The following ITGA6 variants were observed in gnomAD, a reference collection of about 807,000 sequenced individuals.
ITGA6 encodes integrin subunit alpha 6.
A neutral mutation model predicts 133.6 loss-of-function variants in ITGA6; 63 were observed. The observed-to-expected ratio is 0.47, with a 90% CI of 0.38 to 0.58. ITGA6 has a LOEUF of 0.58. Ranked by LOEUF, ITGA6 falls within the 20% of genes least tolerant of loss-of-function variation. The pLI is 0.00. For synonymous variants in ITGA6, 434 were observed against 482.0 expected (o/e 0.90, Z 1.30); for missense variants, 1,068 against 1,309.4 (o/e 0.82, Z 2.85).
At chr2:172,487,707 C>T in intron 16 of ITGA6, 21 bp from the exon 17 acceptor site, 4 of 1,601,012 alleles carry the variant, frequency 2.5e-6, no homozygotes, top group South Asian at 1.1e-5. Context: ...CCTGTGTTAA[C>T]AGCTATTTAT....
At chr2:172,432,255 A>G (rs1684133235) in intron 1 of ITGA6, among the ~76,000 whole-genome samples, 1 of 152,224 alleles carries the variant, frequency 6.6e-6, no homozygotes, top group African/African-American at 2.4e-5. Flanking sequence ...TCCCCATCCT[A>G]CACTAAAGCA....
At chr2:172,488,680 A>G (rs777163984) in intron 19 of ITGA6, among the ~76,000 whole-genome samples, 4 of 152,212 alleles carry the variant, frequency 2.6e-5, no homozygotes, top group Non-Finnish European at 5.9e-5. Flanking sequence ...TAGGGTACAG[A>G]GTCTGTTCGT....
chr2:172,489,926 A>G (rs1686850522), intron 20 of ITGA6: 1 of 407,314 alleles, frequency 2.5e-6, no homozygotes, highest in East Asian at 5.2e-5. Flanking sequence ...ATGACCCAGT[A>G]TGTTACATAA....
intron 4 of ITGA6, among the ~76,000 whole-genome samples, chr2:172,469,616 C>CT (rs36112787): frequency 2.6e-5 from 4 of 151,916 alleles, no homozygotes; most frequent in South Asian, 2.1e-4. Flanking sequence ...AGGTAGTTAA[C>CT]TTTTTTTTAG....
chr2:172,496,890 T>C (rs1486918722), intron 23 of ITGA6, among the ~76,000 whole-genome samples: 1 of 152,228 alleles, frequency 6.6e-6, no homozygotes, highest in African/African-American at 2.4e-5. Context: ...ATTTAATTGA[T>C]ATTTGCAAAC....
chr2:172,469,892 T>C (rs1403100254), intron 4 of ITGA6, among the ~76,000 whole-genome samples: 1 of 152,174 alleles, frequency 6.6e-6, no homozygotes, highest in Non-Finnish European at 1.5e-5. Context: ...TTGGGGAATT[T>C]TGAGGTATAA....
At chr2:172,497,844 A>C in intron 23 of ITGA6, 131 bp from the exon 24 acceptor site, 1 of 876,940 alleles carries the variant, frequency 1.1e-6, no homozygotes, top group Non-Finnish European at 1.9e-6. Context: ...ATCTTGCATC[A>C]GAAAGTCATC....
chr2:172,459,001 G>A (rs1685322148), intron 1 of ITGA6, among the ~76,000 whole-genome samples: 1 of 151,892 alleles, frequency 6.6e-6, no homozygotes, highest in Non-Finnish European at 1.5e-5. Context: ...AGAGAAGGAG[G>A]GAAAATGAGA....
intron 3 of ITGA6, 101 bp from the exon 4 acceptor site, chr2:172,469,024 C>T (rs1255978930): frequency 1.6e-6 from 2 of 1,278,504 alleles, no homozygotes; most frequent in East Asian, 2.3e-5. Context: ...TAATCATCCT[C>T]TTTAGAATTA....
At chr2:172,436,547 G>C (rs59454075) in intron 1 of ITGA6, among the ~76,000 whole-genome samples, 1 of 152,034 alleles carries the variant, frequency 6.6e-6, no homozygotes, top group African/African-American at 2.4e-5. Flanking sequence ...CAGCTGAGAA[G>C]GTTTTTCAAT....
intron 23 of ITGA6, among the ~76,000 whole-genome samples, chr2:172,493,514 TTATACTC>T (rs547797461): frequency 1.4e-4 from 21 of 152,186 alleles, no homozygotes; most frequent in African/African-American, 3.6e-4. Flanking sequence ...ACTAGATACT[TTATACTC>T]TATCATTCAA....
At position 172,488,135 on chromosome 2, in the gene ITGA6, A is replaced by G. The variant is rs1265459311; in HGVS notation, c.2412A>G (p.Lys804=). The stretch of plus-strand genomic sequence containing the variant: ...TTTTTTAATTTGACAGAGTTGCTAA[A>G]CCTTCCCAGGTGTATTTTGGAGGTA... ...ELLLSVSGVA[K]PSQVYFGGTV... is the part of the protein sequence containing the mutation. Residue 804 remains lysine (K), a synonymous_variant, in exon 19 of 26, where the codon AAA becomes AAG. Coordinates refer to ENST00000684293, the MANE Select transcript of ITGA6 (RefSeq NM_000210.4). 1 of 1,613,864 alleles carries G rather than the reference A, an allele frequency of 6.2e-7. No homozygotes were observed. The highest frequency in any genetic ancestry group is 8.5e-7 in the Non-Finnish European group (1 of 1,179,860).
At chr2:172,450,329 C>A (rs534768244) in intron 1 of ITGA6, among the ~76,000 whole-genome samples, 1 of 152,272 alleles carries the variant, frequency 6.6e-6, no homozygotes, top group East Asian at 1.9e-4. Flanking sequence ...AGAGTAGAAG[C>A]AAACCAGTTA....
At chr2:172,430,362 A>G (rs773004541) in intron 1 of ITGA6, among the ~76,000 whole-genome samples, 9 of 152,216 alleles carry the variant, frequency 5.9e-5, no homozygotes, top group Non-Finnish European at 1.0e-4. Flanking sequence ...GAGTAAAGCC[A>G]AAGGTGGTTG....
intron 5 of ITGA6, 64 bp downstream of exon 5, chr2:172,471,169 C>CG (rs1685918895): frequency 6.3e-7 from 1 of 1,592,776 alleles, no homozygotes; most frequent in Non-Finnish European, 8.6e-7. Context: ...GAAACTCCCT[C>CG]GCAGGGCCTA....
At chr2:172,470,052 T>A (rs1466648505) in intron 4 of ITGA6, among the ~76,000 whole-genome samples, 1 of 152,230 alleles carries the variant, frequency 6.6e-6, no homozygotes, top group African/African-American at 2.4e-5. Flanking sequence ...TCATCCATGA[T>A]GAAGAGAACT....
rs964604734 is a variant in ITGA6, at chr2:172,436,879, A to G, written c.182+8909A>G. Among the ~76,000 whole-genome samples, 3 of 152,254 alleles carry G rather than the reference A, an allele frequency of 2.0e-5. No homozygotes were observed. The East Asian group carries it at 5.8e-4, about 29-fold the overall frequency. ...AAAAAGGTGTATTATGTTAGATAGT[A>G]ATAATTAATGCAGAAGTGTTAATGC... On this transcript the variant is annotated intron_variant, in intron 1 of 25. Coordinates refer to ENST00000684293, the MANE Select transcript of ITGA6 (RefSeq NM_000210.4).
At chr2:172,470,921 T>C (rs1165024399) in intron 4 of ITGA6, 53 bp from the exon 5 acceptor site, 6 of 1,590,810 alleles carry the variant, frequency 3.8e-6, no homozygotes, top group Non-Finnish European at 4.3e-6. Context: ...ACCATTTATT[T>C]TCTTTTGTTT....
chr2:172,461,980 C>G (rs1045214981), intron 1 of ITGA6, among the ~76,000 whole-genome samples: 23 of 152,218 alleles, frequency 1.5e-4, no homozygotes, highest in Non-Finnish European at 3.1e-4. Flanking sequence ...ACAGCCTCAG[C>G]TAATGGGCTG....
Sources: allele counts gnomAD v4.1 joint callset (sites outside exome capture counted in the v4.1 genomes callset), GRCh38; gene constraint gnomAD v4.1.1; transcripts MANE v1.5; gene names NCBI Gene and HGNC (gene_info 2026-07-23, HGNC 2026-07-21).